DLG2: variants seen among roughly 807,000 people sequenced by gnomAD.
The protein encoded by DLG2 is discs large MAGUK scaffold protein 2, also known as disks large homolog 2.
Under a neutral mutation model 132.5 loss-of-function variants are expected in DLG2, and 45 were observed. The observed-to-expected ratio is 0.34, with a 90% CI of 0.27 to 0.44. DLG2 has a LOEUF of 0.44. DLG2 is among the 20% of genes least tolerant of loss of function. The pLI is 1.00. For synonymous variants in DLG2, 424 were observed against 419.6 expected (o/e 1.01, Z -0.13); for missense variants, 1,045 against 1,196.9 (o/e 0.87, Z 1.87).
intron 10 of DLG2, among the ~76,000 whole-genome samples, chr11:84,096,531 A>G (rs971659266): frequency 6.6e-6 from 1 of 152,088 alleles, no homozygotes; most frequent in Non-Finnish European, 1.5e-5. Context: ...CATAAAATCT[A>G]TTTCAAGCTT....
chr11:84,059,303 T>C lies in DLG2; in HGVS notation c.919+12A>G, dbSNP rs749845906. 9 of 1,611,684 alleles carry C rather than the reference T, an allele frequency of 5.6e-6. No individual in the cohort carries two copies. Among genetic ancestry groups the C allele is most frequent in the Non-Finnish European group, 7.6e-6 (9 of 1,179,052 alleles). On this transcript the variant is annotated intron_variant, in intron 11 of 27. Coordinates refer to ENST00000376104, the MANE Select transcript of DLG2 (RefSeq NM_001142699.3). The stretch of plus-strand genomic sequence containing the variant: ...GTCACTAGTGTCTGTGAGTCATTTA[T>C]ATTTTGATTACCTTTAGGGCCTTTG...
intron 9 of DLG2, among the ~76,000 whole-genome samples, chr11:84,101,757 G>A (rs572200923): frequency 1.3e-5 from 2 of 152,178 alleles, no homozygotes; most frequent in African/African-American, 4.8e-5. Context: ...TGGTCTCACT[G>A]TAGTTAGCAT....
At chr11:84,215,642 A>G (rs1041124777) in intron 8 of DLG2, among the ~76,000 whole-genome samples, 2 of 152,184 alleles carry the variant, frequency 1.3e-5, no homozygotes, top group Non-Finnish European at 2.9e-5. Flanking sequence ...CCAGATATTG[A>G]GGTGCAGTAA....
chr11:84,634,197 C>T (rs563911531), intron 6 of DLG2, among the ~76,000 whole-genome samples: 5 of 152,272 alleles, frequency 3.3e-5, no homozygotes, highest in South Asian at 4.1e-4. Context: ...TCAGCCCCTT[C>T]ATCTCCCTGA....
At chr11:84,555,799 C>G (rs2099410774) in intron 6 of DLG2, among the ~76,000 whole-genome samples, 1 of 152,184 alleles carries the variant, frequency 6.6e-6, no homozygotes. Context: ...TTAACATAGA[C>G]TAAAATTTTA....
chr11:85,330,869 C>A (rs1294379383), intron 3 of DLG2, among the ~76,000 whole-genome samples: 5 of 148,310 alleles, frequency 3.4e-5, no homozygotes, highest in African/African-American at 1.2e-4. Context: ...TGCTCAAATT[C>A]TCATACATAA....
At chr11:84,097,535 C>A (rs1010705274) in intron 10 of DLG2, among the ~76,000 whole-genome samples, 20 of 152,136 alleles carry the variant, frequency 1.3e-4, no homozygotes, top group African/African-American at 4.8e-4. Context: ...ACCAATAACT[C>A]TCCTCCACTG....
At chr11:85,473,841 C>T (rs2093058850) in intron 3 of DLG2, among the ~76,000 whole-genome samples, 1 of 151,516 alleles carries the variant, frequency 6.6e-6, no homozygotes, top group Non-Finnish European at 1.5e-5. Flanking sequence ...ACTTTCAAAC[C>T]AGTAAAAGGA....
At chr11:84,417,907 C>T (rs184531416) in intron 7 of DLG2, among the ~76,000 whole-genome samples, 12 of 152,304 alleles carry the variant, frequency 7.9e-5, no homozygotes, top group African/African-American at 2.6e-4. Flanking sequence ...GACTTCCTAT[C>T]TCCCTATCCC....
At chr11:84,033,508 G>A (rs541837036) in intron 11 of DLG2, among the ~76,000 whole-genome samples, 15 of 152,216 alleles carry the variant, frequency 9.9e-5, no homozygotes, top group Non-Finnish European at 2.2e-4. Context: ...TTCTTGAGAT[G>A]GAACCTACTC....
chr11:83,570,754 G>A (rs1208462067), intron 19 of DLG2, among the ~76,000 whole-genome samples: 2 of 152,042 alleles, frequency 1.3e-5, no homozygotes, highest in African/African-American at 4.8e-5. Flanking sequence ...AATGGTCAGT[G>A]GTGACAGATG....
intron 11 of DLG2, among the ~76,000 whole-genome samples, chr11:83,985,429 C>A (rs1210190269): frequency 6.6e-6 from 1 of 151,972 alleles, no homozygotes; most frequent in African/African-American, 2.4e-5. Flanking sequence ...GCCCTGGTAG[C>A]TTGCTGCAAA....
At chr11:84,928,191 G>T (rs544892757) in intron 6 of DLG2, among the ~76,000 whole-genome samples, 1 of 151,864 alleles carries the variant, frequency 6.6e-6, no homozygotes, top group African/African-American at 2.4e-5. Context: ...ACTTGAGAAA[G>T]GAACTATATA....
rs11389028 is a variant in DLG2, at chr11:85,031,947, C to CTTT, written c.357+79711_357+79713dup. On this transcript the variant is annotated intron_variant, in intron 6 of 27. Coordinates refer to ENST00000376104, the MANE Select transcript of DLG2 (RefSeq NM_001142699.3). ...TACAAGTGTGTACCCTGACAACTGG[C>CTTT]TTTTTTTTTTTTTTTTTTTTTTTTT... 6.0e-4 allele frequency among the ~76,000 whole-genome samples: 31 copies of CTTT among 51,850 alleles called. 2 individuals carry two copies. The highest frequency in any genetic ancestry group is 8.7e-4 in the East Asian group (1 of 1,144). 34.0% of individuals were successfully genotyped at this position (51,850 alleles called of 152,430 possible). A position where few individuals can be genotyped will look rare whatever the true frequency, so the allele number is the denominator to read the frequency against.
chr11:85,373,951 C>G (rs1270926907), intron 3 of DLG2, among the ~76,000 whole-genome samples: 1 of 152,094 alleles, frequency 6.6e-6, no homozygotes. Context: ...ATTATGATAG[C>G]CACTTTTCAT....
chr11:84,607,069 A>T (rs992651021), intron 6 of DLG2, among the ~76,000 whole-genome samples: 6 of 152,060 alleles, frequency 3.9e-5, no homozygotes, highest in Non-Finnish European at 7.4e-5. Context: ...AATTTTTTTT[A>T]GTGTTATTCA....
At chr11:85,334,261 TG>T (rs1405569359) in intron 3 of DLG2, among the ~76,000 whole-genome samples, 5 of 152,152 alleles carry the variant, frequency 3.3e-5, no homozygotes. Flanking sequence ...TGTATTCCTT[TG>T]GGGTCAGTAG....
At chr11:85,232,353 T>C (rs1382787619) in intron 4 of DLG2, among the ~76,000 whole-genome samples, 1 of 151,926 alleles carries the variant, frequency 6.6e-6, no homozygotes, top group Non-Finnish European at 1.5e-5. Context: ...GTGAAATTAG[T>C]CCACTTCAGG....
chr11:83,670,132 AG>A (rs551439656), intron 18 of DLG2, among the ~76,000 whole-genome samples: 27 of 152,284 alleles, frequency 1.8e-4, no homozygotes, highest in South Asian at 8.3e-4. Context: ...GAGTTCCATG[AG>A]GATTAGGAGT....
Sources: gnomAD v4.1 joint callset for allele counts (sites outside exome capture counted in the v4.1 genomes callset) on GRCh38, gnomAD v4.1.1 for gene constraint, MANE v1.5 for transcripts, NCBI Gene and HGNC (gene_info 2026-07-23, HGNC 2026-07-21) for gene names.